PRELID2: variants seen among roughly 807,000 people sequenced by gnomAD.
PRELID2 encodes the protein PRELI domain containing 2.
In PRELID2, 25 loss-of-function variants were observed where a neutral mutation model predicts 28.4. The observed-to-expected ratio is 0.88, with a 90% CI of 0.64 to 1.23. The LOEUF is 1.23. PRELID2 is among the 50% of genes most tolerant of loss of function. The probability of loss-of-function intolerance (pLI) is 0.00; values close to 1 mark genes in which losing one functional copy is unlikely to be tolerated. For missense variants in PRELID2, 201 were observed against 214.4 expected (o/e 0.94, Z 0.39); for synonymous variants, 76 against 71.6 (o/e 1.06, Z -0.31).
the PRELID2 span, among the ~76,000 whole-genome samples, chr5:145,438,893 G>T: frequency 6.6e-6 from 1 of 152,058 alleles, no homozygotes; most frequent in African/African-American, 2.4e-5. Flanking sequence ...TCACTTGTCT[G>T]TTGCATGCTG....
At chr5:145,355,819 T>C in the PRELID2 span, among the ~76,000 whole-genome samples, 1 of 152,196 alleles carries the variant, frequency 6.6e-6, no homozygotes, top group Non-Finnish European at 1.5e-5. Context: ...GTAACATCTG[T>C]CCTTACAGAA....
intron 1 of PRELID2, among the ~76,000 whole-genome samples, chr5:145,638,853 T>C (rs754323278): frequency 2.0e-5 from 3 of 152,240 alleles, no homozygotes; most frequent in Non-Finnish European, 4.4e-5. Context: ...TGTTGTCCTA[T>C]CTTGTTCTGT....
chr5:145,402,541 A>G, the PRELID2 span, among the ~76,000 whole-genome samples: 2 of 152,214 alleles, frequency 1.3e-5, no homozygotes, highest in South Asian at 4.1e-4. Flanking sequence ...TCTGTGCTGT[A>G]GAGCAGGTCT....
At chr5:145,303,417 T>C in the PRELID2 span, among the ~76,000 whole-genome samples, 5 of 152,336 alleles carry the variant, frequency 3.3e-5, no homozygotes, top group Non-Finnish European at 5.9e-5. Flanking sequence ...TAGAAGCTTA[T>C]ATTGCTTTTA....
At chr5:145,815,009 C>A (rs987825650) in intron 4 of PRELID2, among the ~76,000 whole-genome samples, 1 of 152,154 alleles carries the variant, frequency 6.6e-6, no homozygotes, top group Non-Finnish European at 1.5e-5. Flanking sequence ...CCCCTGCCAC[C>A]CCCAATTCAT....
chr5:145,518,829 C>T lies in PRELID2; in HGVS notation n.71-45514G>A, dbSNP rs78836729. On this transcript the variant is annotated intron_variant and non_coding_transcript_variant, in intron 1 of 2. Transcript: ENST00000510259. ...GACAGAGGCCAGGTATGCTGCTAAA[C>T]ATTTTAAAGTACACAGAACAATCCC... 7.5e-3 allele frequency among the ~76,000 whole-genome samples: 1,138 copies of T among 152,286 alleles called. 11 individuals are homozygous for T. The highest frequency in any genetic ancestry group is 0.026 in the African/African-American group (1,080 of 41,562).
intron 1 of PRELID2, among the ~76,000 whole-genome samples, chr5:145,519,814 A>T (rs2126648829): frequency 6.6e-6 from 1 of 152,370 alleles, no homozygotes; most frequent in Admixed American, 6.5e-5. Context: ...ATTTTATATT[A>T]CAAAAAAATT....
the PRELID2 span, among the ~76,000 whole-genome samples, chr5:145,319,681 AAAT>A: frequency 5.0e-4 from 2 of 4,034 alleles, no homozygotes; most frequent in Admixed American, 5.5e-3. Flanking sequence ...TCCATCTCAA[AAAT>A]AAATAAATAA....
chr5:145,396,809 G>A, the PRELID2 span, among the ~76,000 whole-genome samples: 5 of 151,970 alleles, frequency 3.3e-5, no homozygotes, highest in South Asian at 4.1e-4. Flanking sequence ...TCAATAACAC[G>A]GGTGGAGGAT....
chr5:145,440,621 T>C, the PRELID2 span, among the ~76,000 whole-genome samples: 1 of 152,094 alleles, frequency 6.6e-6, no homozygotes, highest in Non-Finnish European at 1.5e-5. Flanking sequence ...TTTATTTCTG[T>C]TAATGGGCTT....
intron 1 of PRELID2, among the ~76,000 whole-genome samples, chr5:145,668,199 T>C (rs961089908): frequency 2.6e-5 from 4 of 152,004 alleles, no homozygotes; most frequent in Non-Finnish European, 5.9e-5. Context: ...CACAGTGGTG[T>C]CATGTGTGTG....
the PRELID2 span, among the ~76,000 whole-genome samples, chr5:145,251,751 T>C: frequency 6.6e-6 from 1 of 152,132 alleles, no homozygotes; most frequent in Non-Finnish European, 1.5e-5. Context: ...ACAGTTTTCA[T>C]TGACAACCTT....
the PRELID2 span, among the ~76,000 whole-genome samples, chr5:145,230,598 A>G: frequency 2.0e-5 from 3 of 152,140 alleles, no homozygotes; most frequent in Non-Finnish European, 4.4e-5. Flanking sequence ...AAAAAAAGAA[A>G]AGAAAAAAAT....
At chr5:145,331,184 T>TTGCATA in the PRELID2 span, among the ~76,000 whole-genome samples, 97 of 152,316 alleles carry the variant, frequency 6.4e-4, no homozygotes, top group Non-Finnish European at 1.1e-3. Flanking sequence ...GAGGAGTGTT[T>TTGCATA]TACTTCCAAT....
At chr5:145,620,323 A>C (rs1036955374) in intron 1 of PRELID2, among the ~76,000 whole-genome samples, 2 of 152,260 alleles carry the variant, frequency 1.3e-5, no homozygotes, top group African/African-American at 4.8e-5. Context: ...AATGGTAAAT[A>C]CATATCAGTA....
chr5:145,572,911 T>G (rs1295929274), intron 1 of PRELID2, among the ~76,000 whole-genome samples: 1 of 152,190 alleles, frequency 6.6e-6, no homozygotes, highest in Non-Finnish European at 1.5e-5. Context: ...TTGTGATTAC[T>G]CTTCTGGCAT....
chr5:145,513,342 A>G (rs545915926), intron 1 of PRELID2, among the ~76,000 whole-genome samples: 1 of 152,006 alleles, frequency 6.6e-6, no homozygotes, highest in East Asian at 2.0e-4. Context: ...CGTGAAGCAT[A>G]CACAAGTATC....
In PRELID2 at chr5:145,477,403, G is replaced by A. The variant is rs567039038; in HGVS notation, n.71-4088C>T. 2.8e-4 allele frequency among the ~76,000 whole-genome samples: 43 copies of A among 152,142 alleles called. 1 individual carries two copies. Among genetic ancestry groups the A allele is most frequent in the Non-Finnish European group, 4.6e-4 (31 of 68,046 alleles). ...TATCCTATGAATAATTTTACCAACA[G>A]AAAGAATAGTATATACTTATATCCC... On this transcript the variant is annotated intron_variant and non_coding_transcript_variant, in intron 1 of 2. Transcript: ENST00000510259.
the PRELID2 span, among the ~76,000 whole-genome samples, chr5:145,397,155 C>G: frequency 2.0e-5 from 3 of 152,054 alleles, no homozygotes; most frequent in East Asian, 1.9e-4. Flanking sequence ...GAGTGGAGAA[C>G]AGGGGATGTT....
Sources: allele counts gnomAD v4.1 joint callset (sites outside exome capture counted in the v4.1 genomes callset), GRCh38; gene constraint gnomAD v4.1.1; transcripts MANE v1.5; gene names NCBI Gene and HGNC (gene_info 2026-07-23, HGNC 2026-07-21).